ZNF143: variants seen among roughly 807,000 people sequenced by gnomAD.
The protein encoded by ZNF143 is zinc finger protein 143, also known as SPH-binding factor.
ZNF143 carries 49 observed loss-of-function variants against 74.1 expected under a neutral mutation model. The observed-to-expected ratio is 0.66, with a 90% CI of 0.53 to 0.84. The LOEUF is 0.84. Ranked by LOEUF, ZNF143 falls within the 40% of genes least tolerant of loss-of-function variation. The pLI, the probability that ZNF143 is intolerant of heterozygous loss-of-function variation, is 0.00. For missense variants in ZNF143, 637 were observed against 793.4 expected (o/e 0.80, Z 2.37); for synonymous variants, 304 against 282.8 (o/e 1.07, Z -0.75).
chr11:9,520,039 T>A (rs1848859428), intron 14 of ZNF143, among the ~76,000 whole-genome samples: 1 of 139,520 alleles, frequency 7.2e-6, no homozygotes, highest in Non-Finnish European at 1.5e-5. Context: ...TTTTTTTTTT[T>A]TTTTTTTTTT....
intron 4 of ZNF143, 77 bp downstream of exon 4, chr11:9,474,101 T>TA: frequency 8.6e-7 from 1 of 1,158,392 alleles, no homozygotes; most frequent in Non-Finnish European, 1.3e-6. Context: ...AGCTCCCTCT[T>TA]ACTACCTAAA....
chr11:9,504,134 T>C (rs983938717), intron 11 of ZNF143, among the ~76,000 whole-genome samples: 4 of 151,686 alleles, frequency 2.6e-5, no homozygotes, highest in African/African-American at 9.7e-5. Context: ...CTAATTTTTG[T>C]ATTTTTAATA....
At chr11:9,507,559 C>T (rs1357064104) in intron 11 of ZNF143, among the ~76,000 whole-genome samples, 1 of 152,164 alleles carries the variant, frequency 6.6e-6, no homozygotes, top group Non-Finnish European at 1.5e-5. Flanking sequence ...AGACTGAGGG[C>T]ATAAGTCAAA....
chr11:9,520,979 A>G (rs1164853853), intron 14 of ZNF143, among the ~76,000 whole-genome samples: 1 of 152,116 alleles, frequency 6.6e-6, no homozygotes, highest in Non-Finnish European at 1.5e-5. Flanking sequence ...ATTAGCTAAT[A>G]TTTTTTAAAG....
intron 15 of ZNF143, among the ~76,000 whole-genome samples, chr11:9,526,951 A>T (rs1275175708): frequency 6.6e-6 from 1 of 152,116 alleles, no homozygotes; most frequent in Non-Finnish European, 1.5e-5. Flanking sequence ...CAGCCTCCCC[A>T]GTAGCTGGGA....
chr11:9,480,969 A>G (rs905290771), intron 7 of ZNF143, among the ~76,000 whole-genome samples: 5 of 152,202 alleles, frequency 3.3e-5, no homozygotes, highest in Non-Finnish European at 7.3e-5. Flanking sequence ...TACCAGCTGA[A>G]GTGATGCTAC....
intron 5 of ZNF143, among the ~76,000 whole-genome samples, chr11:9,477,299 G>C (rs991605314): frequency 1.4e-5 from 2 of 140,322 alleles, no homozygotes; most frequent in African/African-American, 5.4e-5. Context: ...TCTGTCACCA[G>C]GCTGGAGTGC....
intron 14 of ZNF143, 67 bp downstream of exon 14, chr11:9,516,429 C>T (rs1425781016): frequency 7.1e-7 from 1 of 1,403,726 alleles, no homozygotes; most frequent in African/African-American, 1.4e-5. Context: ...CATAGGTATG[C>T]AATGTGGTAC....
intron 14 of ZNF143, among the ~76,000 whole-genome samples, chr11:9,516,940 C>G (rs896472620): frequency 6.6e-6 from 1 of 152,110 alleles, no homozygotes; most frequent in Non-Finnish European, 1.5e-5. Flanking sequence ...CATAATAGCT[C>G]TCTTCTGGTT....
chr11:9,496,384 A>G lies in ZNF143; in HGVS notation c.841+6A>G. The G allele has an allele frequency of 1.2e-6, 2 of 1,613,990 alleles. No homozygotes were observed. Among genetic ancestry groups the G allele is most frequent in the South Asian group, 1.1e-5 (1 of 91,078 alleles). Reference sequence around the variant, plus strand: ...TGGGAAGGCATTTGCAACAGGTAAAAGTATGAATTTTGTTTTTTTCTTGGT... The same window carrying G: ...TGGGAAGGCATTTGCAACAGGTAAAGGTATGAATTTTGTTTTTTTCTTGGT... On this transcript the variant is annotated splice_donor_region_variant and intron_variant, in intron 9 of 15. Transcript: ENST00000396602.
intron 2 of ZNF143, among the ~76,000 whole-genome samples, chr11:9,472,204 C>G (rs1856616721): frequency 6.6e-6 from 1 of 152,150 alleles, no homozygotes; most frequent in African/African-American, 2.4e-5. Context: ...GCTGGGATTA[C>G]AGGCATGAGC....
intron 9 of ZNF143, among the ~76,000 whole-genome samples, chr11:9,497,267 G>A (rs2134065453): frequency 6.6e-6 from 1 of 152,284 alleles, no homozygotes; most frequent in East Asian, 1.9e-4. Flanking sequence ...ATCTCACTCT[G>A]TCGCCCAGCC....
intron 8 of ZNF143, 80 bp downstream of exon 8, chr11:9,494,845 C>G (rs1395832494): frequency 7.1e-7 from 1 of 1,403,590 alleles, no homozygotes; most frequent in East Asian, 2.4e-5. Flanking sequence ...TTGTGTAATT[C>G]AAATGCCACT....
chr11:9,489,085 G>A (rs1476957346), intron 7 of ZNF143, among the ~76,000 whole-genome samples: 1 of 152,076 alleles, frequency 6.6e-6, no homozygotes, highest in East Asian at 1.9e-4. Context: ...TCCAACTACT[G>A]TATACTGTAG....
chr11:9,472,831 C>A, intron 3 of ZNF143, 62 bp downstream of exon 3: 1 of 1,260,268 alleles, frequency 7.9e-7, no homozygotes, highest in Non-Finnish European at 1.1e-6. Flanking sequence ...TGAGTTGGAG[C>A]ACCTAGAAGC....
chr11:9,523,387 G>C (rs1015769307), intron 14 of ZNF143, among the ~76,000 whole-genome samples: 1 of 152,128 alleles, frequency 6.6e-6, no homozygotes, highest in Non-Finnish European at 1.5e-5. Flanking sequence ...ATGCTGCTTT[G>C]CCAGTCTTGT....
At chr11:9,508,897 T>TA (rs971389480) in intron 12 of ZNF143, 51 bp downstream of exon 12, 8 of 1,504,840 alleles carry the variant, frequency 5.3e-6, no homozygotes, top group African/African-American at 4.2e-5. Context: ...AATCAACAGT[T>TA]ATGAACATAA....
chr11:9,477,748 G>A (rs1857027212), intron 5 of ZNF143, among the ~76,000 whole-genome samples: 1 of 152,176 alleles, frequency 6.6e-6, no homozygotes, highest in East Asian at 1.9e-4. Context: ...GAGTCATACT[G>A]ACATGAGTTC....
At chr11:9,493,841 T>G (rs989649145) in intron 7 of ZNF143, among the ~76,000 whole-genome samples, 1 of 152,322 alleles carries the variant, frequency 6.6e-6, no homozygotes, top group South Asian at 2.1e-4. Flanking sequence ...TTTATGTTAT[T>G]ACATCCCAGA....
Sources: gnomAD v4.1 joint callset for allele counts (sites outside exome capture counted in the v4.1 genomes callset) on GRCh38, gnomAD v4.1.1 for gene constraint, MANE v1.5 for transcripts, NCBI Gene and HGNC (gene_info 2026-07-23, HGNC 2026-07-21) for gene names.